Variants in ZC3H3 observed in about 807,000 individuals in gnomAD.
ZC3H3 encodes the protein zinc finger CCCH-type containing 3, also known as zinc finger CCCH domain-containing protein 3.
A neutral mutation model predicts 77.3 loss-of-function variants in ZC3H3; 36 were observed. The observed-to-expected ratio is 0.47, with a 90% CI of 0.36 to 0.61. The LOEUF is 0.61. Among genes scored for constraint, ZC3H3 ranks in the 20% least tolerant of loss-of-function variants. ZC3H3 has a pLI of 0.00. For missense variants in ZC3H3, 1,331 were observed against 1,312.2 expected, an observed-to-expected ratio of 1.01 and a Z score of -0.22; for synonymous variants, 626 against 555.2, an observed-to-expected ratio of 1.13 and a Z score of -1.79.
chr8:143,467,400 G>C (rs1398567987), intron 8 of ZC3H3, among the ~76,000 whole-genome samples: 1 of 152,224 alleles, frequency 6.6e-6, no homozygotes, highest in Non-Finnish European at 1.5e-5. Flanking sequence ...TCTGGCTTTG[G>C]AGCTGGGAGC....
chr8:143,452,457 G>A (rs1820013102), intron 9 of ZC3H3, among the ~76,000 whole-genome samples: 1 of 152,188 alleles, frequency 6.6e-6, no homozygotes, highest in East Asian at 1.9e-4. Context: ...ACAGAAAGTG[G>A]CTGCTCACAC....
At chr8:143,463,818 A>T (rs1186194040) in intron 9 of ZC3H3, among the ~76,000 whole-genome samples, 1 of 152,214 alleles carries the variant, frequency 6.6e-6, no homozygotes, top group Non-Finnish European at 1.5e-5. Flanking sequence ...CCCCGTCCTG[A>T]TATCTAGGAG....
chr8:143,448,167 G>A (rs1034312253), intron 9 of ZC3H3, among the ~76,000 whole-genome samples: 2 of 151,876 alleles, frequency 1.3e-5, no homozygotes, highest in Admixed American at 6.6e-5. Context: ...TTAGCCAGGC[G>A]TGGTGGGGCA....
At position 143,539,008 on chromosome 8, in the gene ZC3H3, C is replaced by A; in HGVS notation, c.359G>T (p.Gly120Val). 1.2e-6 allele frequency: 2 copies of A among 1,613,102 alleles called. No individual in the cohort carries two copies. Among genetic ancestry groups the A allele is most frequent in the Non-Finnish European group, 1.7e-6 (2 of 1,180,044 alleles). The change falls in exon 2 of 12, where the codon GGT becomes GTT. Residue 120 changes from glycine (G) to valine (V), a missense_variant. Gly to Val is a moderately radical substitution (Grantham distance 109). Around this residue, in one of 3 missense-constraint regions of ZC3H3, gnomAD observed 978 missense variants for 915.5 expected, o/e 1.07. Transcript: ENST00000262577. ...TTTAACTTTGATGACCACGTTCTGA[C>A]CCTGACTGAGCTGGACCTGTCTCTC... is the stretch of plus-strand genomic sequence containing the variant. Reference protein sequence around the residue: ...VLERQVQLSQGQNVVIKVKPP... With the variant: ...VLERQVQLSQVQNVVIKVKPP...
At chr8:143,517,476 G>A (rs138564556) in intron 3 of ZC3H3, among the ~76,000 whole-genome samples, 8 of 152,282 alleles carry the variant, frequency 5.3e-5, no homozygotes, top group African/African-American at 1.4e-4. Context: ...GGGTAGGCTC[G>A]GGGCATGCAG....
rs1006314535 is a variant in ZC3H3 at position 143,541,357 on chromosome 8, C to T, written c.46+19G>A. 1.9e-6 allele frequency: 3 copies of T among 1,606,124 alleles called. No homozygotes were observed. The highest frequency in any genetic ancestry group is 2.7e-5 in the African/African-American group (2 of 73,744). On this transcript the variant is annotated intron_variant, in intron 1 of 11. Coordinates refer to ENST00000262577, the MANE Select transcript of ZC3H3 (RefSeq NM_015117.3). ...GGGGGAAAGAAGGGGACTCGCGTCC[C>T]GGCCCCGGCCGGACCTACCCTGCAG... is the stretch of plus-strand genomic sequence containing the variant.
At chr8:143,449,973 C>A (rs2129812539) in intron 9 of ZC3H3, among the ~76,000 whole-genome samples, 1 of 152,280 alleles carries the variant, frequency 6.6e-6, no homozygotes, top group Admixed American at 6.5e-5. Flanking sequence ...TTGGTCACAA[C>A]AATTTAACAA....
Position 143,460,021 on chromosome 8 carries a change from C to T in ZC3H3, c.2307+5696G>A, listed in dbSNP as rs980630099. On this transcript the variant is annotated intron_variant, in intron 9 of 11. Transcript: ENST00000262577. This position sits in a 1 kb window ranked among gnomAD's most constrained non-coding sequence, Gnocchi z 4.0. ...CAGCACTTTGGGAGGCCAAGGCAGG[C>T]GGATCATCTGAGGTCACGAGTTTGA... is the stretch of plus-strand genomic sequence containing the variant. Among the ~76,000 whole-genome samples, 5 of 151,882 alleles carry T rather than the reference C, an allele frequency of 3.3e-5. No homozygotes were observed. The highest frequency in any genetic ancestry group is 2.0e-4 in the Admixed American group (3 of 15,248).
intron 3 of ZC3H3, among the ~76,000 whole-genome samples, chr8:143,511,624 G>GGGAT (rs1195972289): frequency 7.2e-5 from 11 of 152,138 alleles, no homozygotes; most frequent in Non-Finnish European, 1.2e-4. Context: ...GCTGATGGGA[G>GGGAT]GGTCCATCAG....
chr8:143,469,577 ACGGCCTGGGAGGG>A (rs570575631), intron 5 of ZC3H3, among the ~76,000 whole-genome samples: 2 of 152,204 alleles, frequency 1.3e-5, no homozygotes, highest in South Asian at 2.1e-4. Flanking sequence ...ACCGCACACC[ACGGCCTGGGAGGG>A]CGGCCTGGGA....
chr8:143,507,691 A>T (rs1821743984), intron 4 of ZC3H3, 55 bp downstream of exon 4: 1 of 1,464,548 alleles, frequency 6.8e-7, no homozygotes, highest in East Asian at 2.5e-5. Context: ...CCCTCAGGGC[A>T]GGGCCAGACA....
At position 143,532,299 on chromosome 8, in the gene ZC3H3, C is replaced by T. The variant is rs191847126; in HGVS notation, c.1561+3958G>A. Among the ~76,000 whole-genome samples the T allele has an allele frequency of 7.0e-3, 1,069 of 152,364 alleles. 33 individuals carry two copies. Among genetic ancestry groups the T allele is most frequent in the Admixed American group, 0.049 (756 of 15,302 alleles). ...GCCCTCTGCTGGCCACTGGGCCGCA[C>T]GGCAAGGCTGAAGTGCGGCGGGGGA... On this transcript the variant is annotated intron_variant, in intron 3 of 11. Transcript: ENST00000262577.
At chr8:143,480,505 G>T (rs966862640) in intron 4 of ZC3H3, among the ~76,000 whole-genome samples, 2 of 152,262 alleles carry the variant, frequency 1.3e-5, no homozygotes, top group South Asian at 2.1e-4. Context: ...CCTGGGCACA[G>T]ATGCACACAT....
intron 4 of ZC3H3, among the ~76,000 whole-genome samples, chr8:143,491,481 G>A (rs1439130150): frequency 6.6e-6 from 1 of 152,222 alleles, no homozygotes; most frequent in African/African-American, 2.4e-5. Flanking sequence ...GCTCACACCC[G>A]TATGACCCCA....
rs149583483 is a variant in ZC3H3, at chr8:143,539,079, G to T, written c.288C>A (p.His96Gln). The T allele has an allele frequency of 6.2e-7, 1 of 1,612,970 alleles. No individual in the cohort carries two copies. The highest frequency in any genetic ancestry group is 2.2e-5 in the East Asian group (1 of 44,874). Residue 96 changes from histidine (H) to glutamine (Q), a missense_variant, in exon 2 of 12, where the codon CAC becomes CAA. Transcript: ENST00000262577. ...PPADHAVRPL[H>Q]GARGGQPPVP... Reference sequence around the variant, plus strand: ...CAGGAGGCTGGCCCCCCCGGGCCCCGTGCAACGGCCGCACAGCATGGTCGG... The same window carrying T: ...CAGGAGGCTGGCCCCCCCGGGCCCCTTGCAACGGCCGCACAGCATGGTCGG...
chr8:143,516,529 A>T (rs1216283298), intron 3 of ZC3H3, among the ~76,000 whole-genome samples: 1 of 41,118 alleles, frequency 2.4e-5, no homozygotes, highest in Non-Finnish European at 5.5e-5. Context: ...TTGCAATCAC[A>T]CACACACACA....
In ZC3H3 at chr8:143,538,870, G is replaced by C; in HGVS notation, c.497C>G (p.Pro166Arg). ...CGAGGGCTGCAGCTGTCCCCGAGGGGGCTCACCTTCACCTTCCCGGGGCCT... is the reference window on the plus strand; with the variant it reads ...CGAGGGCTGCAGCTGTCCCCGAGGGCGCTCACCTTCACCTTCCCGGGGCCT... ...DQRPREGEGE[P>R]PRGQLQPSRP... Residue 166 changes from proline (P) to arginine (R), a missense_variant, in exon 2 of 12, where the codon CCC (proline) becomes CGC (arginine). Pro to Arg is a moderately radical substitution (Grantham distance 103). Around this residue, in one of 3 missense-constraint regions of ZC3H3, gnomAD observed 978 missense variants for 915.5 expected, o/e 1.07. Coordinates refer to ENST00000262577, the MANE Select transcript of ZC3H3 (RefSeq NM_015117.3). 2 of 1,612,556 alleles carry C rather than the reference G, an allele frequency of 1.2e-6. No homozygotes were observed. Among genetic ancestry groups the C allele is most frequent in the Admixed American group, 1.7e-5 (1 of 60,004 alleles).
intron 9 of ZC3H3, among the ~76,000 whole-genome samples, chr8:143,447,173 C>G (rs1209771639): frequency 6.6e-6 from 1 of 152,260 alleles, no homozygotes; most frequent in Non-Finnish European, 1.5e-5. Context: ...TGCCCTACCA[C>G]AGCACCCAGC....
intron 5 of ZC3H3, among the ~76,000 whole-genome samples, chr8:143,468,918 C>T (rs970378420): frequency 3.3e-5 from 5 of 152,184 alleles, no homozygotes; most frequent in African/African-American, 9.7e-5. Context: ...GGGCAGGGTC[C>T]GGGCAGGGCT....
Sources: gnomAD v4.1 joint callset for allele counts (sites outside exome capture counted in the v4.1 genomes callset) on GRCh38, gnomAD v4.1.1 for gene constraint, gnomAD v4.1.1 regional missense constraint, Gnocchi (gnomAD v3.1) non-coding constraint, MANE v1.5 for transcripts, NCBI Gene and HGNC (gene_info 2026-07-23, HGNC 2026-07-21) for gene names.